SHFL: variants seen among roughly 807,000 people sequenced by gnomAD.
SHFL encodes the protein shiftless antiviral inhibitor of ribosomal frameshifting, also known as shiftless antiviral inhibitor of ribosomal frameshifting protein.
Under a neutral mutation model 34.7 loss-of-function variants are expected in SHFL, and 12 were observed. The ratio of observed to expected loss-of-function variants is 0.35; its 90% CI spans 0.22 to 0.56. The LOEUF (loss-of-function observed/expected upper bound fraction) is 0.56. Ranked by LOEUF, SHFL falls within the 20% of genes least tolerant of loss-of-function variation. SHFL has a pLI of 0.88. For synonymous variants in SHFL, 148 were observed against 156.0 expected (o/e 0.95, Z 0.38); for missense variants, 278 against 411.1 (o/e 0.68, Z 2.80).
chr19:10,090,310 A>C, intron 5 of SHFL: 1 of 478,300 alleles, frequency 2.1e-6, no homozygotes, highest in African/African-American at 1.9e-5. Flanking sequence ...TACAGAAATC[A>C]AACCTGGCCA....
Position 10,092,260 on chromosome 19 carries a change from A to G in SHFL, c.834A>G (p.Glu278=), listed in dbSNP as rs552678941. 1.8e-5 allele frequency: 29 copies of G among 1,605,322 alleles called. No individual in the cohort carries two copies. The South Asian group carries it at 2.0e-4, about 11-fold the overall frequency. ...AGGACCTGAAGGAGGAGGAGGAGGA[A>G]GAGGAGGAGGTGGAGGACGAGGAGG... ...ILEDLKEEEE[E]EEEVEDEEGG... The change falls in exon 8 of 8, where the codon GAA becomes GAG. Residue 278 remains glutamate (E), a synonymous_variant. Transcript: ENST00000253110.
intron 3 of SHFL, 157 bp downstream of exon 3, chr19:10,087,457 C>G: frequency 1.4e-6 from 1 of 738,666 alleles, no homozygotes; most frequent in Non-Finnish European, 2.3e-6. Context: ...TTTCACCTCT[C>G]CATCATTTGT....
Position 10,086,919 on chromosome 19 carries a change from T to A in SHFL, c.22-10T>A. On this transcript the variant is annotated splice_polypyrimidine_tract_variant and intron_variant, in intron 1 of 7. Transcript: ENST00000253110. The surrounding 1 kb of genome is among the most constrained non-coding windows in gnomAD (Gnocchi z 5.2). ...CTTCCCCCACCGGAACCCCCCTGTC[T>A]CCATCCCAGCTGGAGAAGAGCGTCC... The A allele has an allele frequency of 6.2e-7, 1 of 1,613,414 alleles. No homozygotes were observed. The highest frequency in any genetic ancestry group is 8.5e-7 in the Non-Finnish European group (1 of 1,179,672).
intron 3 of SHFL, chr19:10,088,178 T>G (rs1364168320): frequency 1.3e-5 from 2 of 149,152 alleles, no homozygotes; most frequent in Non-Finnish European, 3.0e-5. Flanking sequence ...GAGAATCACT[T>G]GAACCCAGGA....
chr19:10,091,190 C>T lies in SHFL; in HGVS notation c.385-60C>T, dbSNP rs201072093. The T allele has an allele frequency of 6.7e-7, 1 of 1,495,352 alleles. No individual in the cohort carries two copies. Among genetic ancestry groups the T allele is most frequent in the Non-Finnish European group, 9.2e-7 (1 of 1,084,856 alleles). The allele number at this position is 1,495,352 out of a possible 1,614,324, so 92.6% of individuals were successfully genotyped here. A position where few individuals can be genotyped will look rare whatever the true frequency, so the allele number is the denominator to read the frequency against. ...GCACACTGCTAGCCCTGACCCCAAC[C>T]TCAGACACCTCTGACAATCCTTGGT... is the stretch of plus-strand genomic sequence containing the variant. On this transcript the variant is annotated intron_variant, in intron 5 of 7. Coordinates refer to ENST00000253110, the MANE Select transcript of SHFL (RefSeq NM_018381.4). This position sits in a 1 kb window ranked among gnomAD's most constrained non-coding sequence, Gnocchi z 8.2.
At position 10,086,422 on chromosome 19, in the gene SHFL, G is replaced by A; in HGVS notation, c.-6G>A. On this transcript the variant is annotated 5_prime_UTR_variant, in exon 1 of 8. Coordinates refer to ENST00000253110, the MANE Select transcript of SHFL (RefSeq NM_018381.4). The surrounding 1 kb of genome is among the most constrained non-coding windows in gnomAD (Gnocchi z 5.2). ...GACCCTCGCGGGGAACTGCGCCGCC[G>A]CCACCATGTCTCAGGAAGGTGTGGA... is the stretch of plus-strand genomic sequence containing the variant. 3 of 1,347,296 alleles carry A rather than the reference G, an allele frequency of 2.2e-6. No homozygotes were observed. Among genetic ancestry groups the A allele is most frequent in the South Asian group, 2.3e-5 (1 of 44,418 alleles). 83.5% of individuals were successfully genotyped at this position (1,347,296 alleles called of 1,614,324 possible).
chr19:10,091,553 C>G lies in SHFL; in HGVS notation c.566C>G (p.Pro189Arg), dbSNP rs773529150. Reference sequence around the variant, plus strand: ...GTGTATCCAACACGGATCCTCCCCCCGCGCTGGGACCGGGACCCGGATCGC... The same window carrying G: ...GTGTATCCAACACGGATCCTCCCCCGGCGCTGGGACCGGGACCCGGATCGC... ...FPVYPTRILP[P>R]RWDRDPDRRS... Residue 189 changes from proline to arginine, a missense_variant, in exon 7 of 8, where the codon CCG becomes CGG. Coordinates refer to ENST00000253110, the MANE Select transcript of SHFL (RefSeq NM_018381.4). This position sits in a 1 kb window ranked among gnomAD's most constrained non-coding sequence, Gnocchi z 8.2. The G allele has an allele frequency of 1.9e-6, 3 of 1,551,082 alleles. No homozygotes were observed. The highest frequency in any genetic ancestry group is 2.6e-6 in the Non-Finnish European group (3 of 1,147,008).
At chr19:10,090,297 T>G in intron 5 of SHFL, 1 of 515,380 alleles carries the variant, frequency 1.9e-6, no homozygotes, top group Non-Finnish European at 3.5e-6. Flanking sequence ...ATTGAACAGC[T>G]ACTACAGAAA....
Position 10,091,765 on chromosome 19 carries a change from A to G in SHFL, c.643+135A>G. Reference sequence around the variant, plus strand: ...TTCCACATGGCCTCCATGACCCCCCAGTCTCCGTGGTCTTGCCCAGGAGGC... The same window carrying G: ...TTCCACATGGCCTCCATGACCCCCCGGTCTCCGTGGTCTTGCCCAGGAGGC... On this transcript the variant is annotated intron_variant, in intron 7 of 7. Coordinates refer to ENST00000253110, the MANE Select transcript of SHFL (RefSeq NM_018381.4). This position sits in a 1 kb window ranked among gnomAD's most constrained non-coding sequence, Gnocchi z 8.2. 2.4e-6 allele frequency: 3 copies of G among 1,252,398 alleles called. No homozygotes were observed. The highest frequency in any genetic ancestry group is 1.6e-5 in the South Asian group (1 of 63,192). 77.6% of individuals were successfully genotyped at this position (1,252,398 alleles called of 1,614,324 possible).
chr19:10,090,749 A>AT (rs943889602), intron 5 of SHFL, among the ~76,000 whole-genome samples: 1 of 151,638 alleles, frequency 6.6e-6, no homozygotes, highest in Admixed American at 6.6e-5. Flanking sequence ...GCAAAAAAAA[A>AT]TTTTTTTAAT....
In SHFL at chr19:10,086,803, C is replaced by CGGGG; in HGVS notation, c.22-119_22-116dup. 1 of 994,956 alleles carries CGGGG rather than the reference C, an allele frequency of 1.0e-6. No homozygotes were observed. The highest frequency in any genetic ancestry group is 1.8e-5 in the African/African-American group (1 of 55,416). 61.6% of individuals were successfully genotyped at this position (994,956 alleles called of 1,614,324 possible). On this transcript the variant is annotated intron_variant, in intron 1 of 7. Coordinates refer to ENST00000253110, the MANE Select transcript of SHFL (RefSeq NM_018381.4). This position sits in a 1 kb window ranked among gnomAD's most constrained non-coding sequence, Gnocchi z 5.2. ...GGAAATGCCGTAAAGGGATGAAAGGCGGGGGGGGGGCGGCGGAGGCCAAAA... is the reference window on the plus strand; with the variant it reads ...GGAAATGCCGTAAAGGGATGAAAGGCGGGGGGGGGGGGGGCGGCGGAGGCCAAAA...
Position 10,091,327 on chromosome 19 carries a change from C to T in SHFL, c.462C>T (p.His154=). 1 of 1,613,846 alleles carries T rather than the reference C, an allele frequency of 6.2e-7. No individual in the cohort carries two copies. The highest frequency in any genetic ancestry group is 1.1e-5 in the South Asian group (1 of 91,068). Residue 154 remains histidine, a synonymous_variant, in exon 6 of 8, where the codon CAC becomes CAT. Coordinates refer to ENST00000253110, the MANE Select transcript of SHFL (RefSeq NM_018381.4). The surrounding 1 kb of genome is among the most constrained non-coding windows in gnomAD (Gnocchi z 8.2). ...AGATGTGGGGCCTGGCTGAGTTCCA[C>T]TGCCCGAAGTGTCGGCACAACTTCC... ...ADKMWGLAEF[H]CPKCRHNFRG...
Position 10,092,215 on chromosome 19 carries a change from C to T in SHFL, c.789C>T (p.Asp263=), listed in dbSNP as rs1293500504. 1 of 1,613,412 alleles carries T rather than the reference C, an allele frequency of 6.2e-7. No homozygotes were observed. The highest frequency in any genetic ancestry group is 8.5e-7 in the Non-Finnish European group (1 of 1,179,638). Residue 263 remains aspartate (D), a synonymous_variant, in exon 8 of 8, where the codon GAC becomes GAT. Transcript: ENST00000253110. The stretch of plus-strand genomic sequence containing the variant: ...TGAGCCAGGGTGGCCTCCTGGAAGA[C>T]CTGGACAACCTCATCCTGGAGGACC... The part of the protein sequence containing the change: ...TCLSQGGLLE[D]LDNLILEDLK...
Position 10,091,422 on chromosome 19 carries a change from C to G in SHFL, c.489-54C>G. Reference sequence around the variant, plus strand: ...CCAGCCCTGCCCCTCCCTGCCCTGGCCCCACCCTGGCCCAGCCTCGCCCTC... The same window carrying G: ...CCAGCCCTGCCCCTCCCTGCCCTGGGCCCACCCTGGCCCAGCCTCGCCCTC... On this transcript the variant is annotated intron_variant, in intron 6 of 7. Transcript: ENST00000253110. This position sits in a 1 kb window ranked among gnomAD's most constrained non-coding sequence, Gnocchi z 8.2. 1 of 1,350,912 alleles carries G rather than the reference C, an allele frequency of 7.4e-7. No individual in the cohort carries two copies. The highest frequency in any genetic ancestry group is 1.0e-6 in the Non-Finnish European group (1 of 1,002,218). 83.7% of individuals were successfully genotyped at this position (1,350,912 alleles called of 1,614,324 possible).
In SHFL at chr19:10,091,216, C is replaced by G. The variant is rs1447393988; in HGVS notation, c.385-34C>G. The G allele has an allele frequency of 6.3e-6, 10 of 1,584,668 alleles. No homozygotes were observed. Among genetic ancestry groups the G allele is most frequent in the Non-Finnish European group, 8.6e-6 (10 of 1,156,348 alleles). On this transcript the variant is annotated intron_variant, in intron 5 of 7. Transcript: ENST00000253110. The surrounding 1 kb of genome is among the most constrained non-coding windows in gnomAD (Gnocchi z 8.2). ...TCAGACACCTCTGACAATCCTTGGTCCCCTCTCTGTACCTTCCTGCCCACC... is the reference window on the plus strand; with the variant it reads ...TCAGACACCTCTGACAATCCTTGGTGCCCTCTCTGTACCTTCCTGCCCACC...
Position 10,093,199 on chromosome 19 carries a change from C to A in SHFL, c.*897C>A. 3.6e-6 allele frequency: 4 copies of A among 1,112,698 alleles called. No individual in the cohort carries two copies. Among genetic ancestry groups the A allele is most frequent in the Non-Finnish European group, 5.1e-6 (4 of 779,758 alleles). The allele number at this position is 1,112,698 out of a possible 1,614,324, so 68.9% of individuals were successfully genotyped here. ...CCCATCCCCCCACCAGGATAAAAGT[C>A]CTGACCTTTGTTCTCTTGACGGAAT... is the stretch of plus-strand genomic sequence containing the variant. On this transcript the variant is annotated 3_prime_UTR_variant, in exon 8 of 8. Transcript: ENST00000253110.
Position 10,092,350 on chromosome 19 carries a change from G to T in SHFL, c.*48G>T. The T allele has an allele frequency of 6.5e-7, 1 of 1,546,868 alleles. No individual in the cohort carries two copies. The highest frequency in any genetic ancestry group is 1.2e-5 in the South Asian group (1 of 84,090). On this transcript the variant is annotated 3_prime_UTR_variant, in exon 8 of 8. Coordinates refer to ENST00000253110, the MANE Select transcript of SHFL (RefSeq NM_018381.4). ...ACCAGACACGGTCTGTGGCTACTTT[G>T]TGTTATTATAAGATATGAGCTCAAA...
At position 10,091,745 on chromosome 19, in the gene SHFL, C is replaced by A; in HGVS notation, c.643+115C>A. 1 of 1,332,692 alleles carries A rather than the reference C, an allele frequency of 7.5e-7. No homozygotes were observed. Among genetic ancestry groups the A allele is most frequent in the Admixed American group, 2.6e-5 (1 of 38,250 alleles). 82.6% of individuals were successfully genotyped at this position (1,332,692 alleles called of 1,614,324 possible). A position where few individuals can be genotyped will look rare whatever the true frequency, so the allele number is the denominator to read the frequency against. ...CCCACAGCAGCAGCCACTGCTTCCA[C>A]ATGGCCTCCATGACCCCCCAGTCTC... On this transcript the variant is annotated intron_variant, in intron 7 of 7. Transcript: ENST00000253110. This position sits in a 1 kb window ranked among gnomAD's most constrained non-coding sequence, Gnocchi z 8.2.
At position 10,091,955 on chromosome 19, in the gene SHFL, CCCCGTATCTGGTGGTCTCAGCTCCT is replaced by C. The variant is rs577928657; in HGVS notation, c.644-111_644-87del. On this transcript the variant is annotated intron_variant, in intron 7 of 7. Coordinates refer to ENST00000253110, the MANE Select transcript of SHFL (RefSeq NM_018381.4). This position sits in a 1 kb window ranked among gnomAD's most constrained non-coding sequence, Gnocchi z 8.2. ...CCCCTGAATGTCCAGTTGTGCTGGT[CCCCGTATCTGGTGGTCTCAGCTCCT>C]CCCTAGAGCCCCGCGTGGCCTAAGT... 6,024 of 1,279,868 alleles carry C rather than the reference CCCCGTATCTGGTGGTCTCAGCTCCT, an allele frequency of 4.7e-3. 169 individuals are homozygous for C. The Admixed American group carries it at 0.056, about 12-fold the overall frequency. 79.3% of individuals were successfully genotyped at this position (1,279,868 alleles called of 1,614,324 possible). A position where few individuals can be genotyped will look rare whatever the true frequency, so the allele number is the denominator to read the frequency against.
Sources: allele counts gnomAD v4.1 joint callset (sites outside exome capture counted in the v4.1 genomes callset), GRCh38; gene constraint gnomAD v4.1.1; non-coding constraint Gnocchi (gnomAD v3.1); transcripts MANE v1.5; gene names NCBI Gene and HGNC (gene_info 2026-07-23, HGNC 2026-07-21).